COL23A1: variants seen among roughly 807,000 people sequenced by gnomAD.
COL23A1 encodes collagen type XXIII alpha 1 chain.
In COL23A1, 97 loss-of-function variants were observed where a neutral mutation model predicts 99.3. That is an observed-to-expected ratio of 0.98 (90% CI 0.83 to 1.16). The LOEUF (loss-of-function observed/expected upper bound fraction) is 1.16, where lower values mean the gene tolerates loss of function less well. Among genes scored for constraint, COL23A1 ranks in the 50% most tolerant of loss-of-function variants. The probability of loss-of-function intolerance (pLI) is 0.00; values close to 1 mark genes in which losing one functional copy is unlikely to be tolerated. For synonymous variants in COL23A1, 320 were observed against 308.2 expected (o/e 1.04, Z -0.40); for missense variants, 762 against 757.4 (o/e 1.01, Z -0.07).
chr5:178,451,012 A>G (rs1767457672), intron 2 of COL23A1, among the ~76,000 whole-genome samples: 1 of 152,248 alleles, frequency 6.6e-6, no homozygotes, highest in South Asian at 2.1e-4. Context: ...CACAAATAGA[A>G]TAAAGAATTA....
At chr5:178,286,390 C>T (rs1446890682) in intron 5 of COL23A1, among the ~76,000 whole-genome samples, 1 of 152,180 alleles carries the variant, frequency 6.6e-6, no homozygotes, top group Non-Finnish European at 1.5e-5. Context: ...ATCCTTCTCT[C>T]CGTTCCCAGC....
intron 2 of COL23A1, chr5:178,523,481 C>T (rs1270194915): frequency 6.9e-6 from 1 of 145,864 alleles, no homozygotes; most frequent in Non-Finnish European, 1.5e-5. Flanking sequence ...ATGATGTGCA[C>T]AAGTTCTGAG....
chr5:178,247,961 G>A (rs1764802907), intron 20 of COL23A1, 130 bp from the exon 21 acceptor site: 2 of 834,112 alleles, frequency 2.4e-6, no homozygotes, highest in Middle Eastern at 2.3e-4. Context: ...CTGGTGAGCA[G>A]GTGGCAGCTG....
intron 2 of COL23A1, among the ~76,000 whole-genome samples, chr5:178,321,514 C>G (rs1298806160): frequency 8.6e-5 from 10 of 115,924 alleles, no homozygotes; most frequent in East Asian, 2.7e-4. Flanking sequence ...TTTGGAGATG[C>G]AGTCTCGCTC....
At chr5:178,576,677 C>T (rs1311925010) in intron 1 of COL23A1, among the ~76,000 whole-genome samples, 2 of 152,114 alleles carry the variant, frequency 1.3e-5, no homozygotes, top group Admixed American at 6.5e-5. Context: ...TGTTCCTGAT[C>T]CTCGAACTCT....
At position 178,422,366 on chromosome 5, in the gene COL23A1, A is replaced by T. The variant is rs117686490; in HGVS notation, c.362-115447T>A. On this transcript the variant is annotated intron_variant, in intron 2 of 28. Transcript: ENST00000390654. The stretch of plus-strand genomic sequence containing the variant: ...CCACTCTGACTGGCTCTTCTGCTTA[A>T]CGTTAGACACGATGTCAGCCTTGAC... 3.4e-3 allele frequency among the ~76,000 whole-genome samples: 520 copies of T among 152,314 alleles called. 19 individuals carry two copies. In the East Asian group the frequency reaches 0.082, roughly 24 times the overall value.
intron 1 of COL23A1, among the ~76,000 whole-genome samples, chr5:178,565,808 C>T (rs1459750702): frequency 6.6e-6 from 1 of 151,802 alleles, no homozygotes; most frequent in Non-Finnish European, 1.5e-5. Context: ...TTCCTATCTA[C>T]AAACATTCTT....
At chr5:178,578,629 G>A (rs1001515435) in intron 1 of COL23A1, among the ~76,000 whole-genome samples, 4 of 152,068 alleles carry the variant, frequency 2.6e-5, no homozygotes, top group African/African-American at 9.7e-5. Context: ...TTTAGAAGTT[G>A]CCATTACCCA....
Position 178,577,441 on chromosome 5 carries a change from C to T in COL23A1, c.294+12463G>A, listed in dbSNP as rs1187822404. 2.6e-5 allele frequency among the ~76,000 whole-genome samples: 4 copies of T among 152,238 alleles called. No individual in the cohort carries two copies. The East Asian group carries it at 7.7e-4, about 29-fold the overall frequency. On this transcript the variant is annotated intron_variant, in intron 1 of 28. Transcript: ENST00000390654. ...GACTTCGCCACGGGAAGGAGGCACACGATTCAGCCCATGACACCGCCACCT... is the reference window on the plus strand; with the variant it reads ...GACTTCGCCACGGGAAGGAGGCACATGATTCAGCCCATGACACCGCCACCT...
chr5:178,251,876 T>TTTTC (rs1014919492), intron 17 of COL23A1, among the ~76,000 whole-genome samples: 1 of 151,916 alleles, frequency 6.6e-6, no homozygotes, highest in Non-Finnish European at 1.5e-5. Context: ...TTTTCTTTTC[T>TTTTC]TTTCTTTCTT....
intron 2 of COL23A1, among the ~76,000 whole-genome samples, chr5:178,358,542 G>A (rs111208193): frequency 0.27 from 33,636 of 126,052 alleles, 4,317 homozygotes; most frequent in South Asian, 0.34. Context: ...GTGTGTGTAT[G>A]TGTGTGTATG....
chr5:178,463,773 A>T (rs889312195), intron 2 of COL23A1, among the ~76,000 whole-genome samples: 7 of 152,176 alleles, frequency 4.6e-5, no homozygotes, highest in Non-Finnish European at 8.8e-5. Context: ...TTTGTTTATA[A>T]ACAAGGAAGA....
At position 178,306,176 on chromosome 5, in the gene COL23A1, C is replaced by T. The variant is rs758680223; in HGVS notation, c.406+699G>A. Among the ~76,000 whole-genome samples, 38 of 151,972 alleles carry T rather than the reference C, an allele frequency of 2.5e-4. No individual in the cohort carries two copies. The highest frequency in any genetic ancestry group is 1.5e-3 in the South Asian group (7 of 4,818). ...TGAGGGAGGAAGCGCAGGGAGGAAG[C>T]GCAGCCCAGACAGCCGGGACTGCCC... On this transcript the variant is annotated intron_variant, in intron 3 of 28. Coordinates refer to ENST00000390654, the MANE Select transcript of COL23A1 (RefSeq NM_173465.4). The surrounding 1 kb of genome is among the most constrained non-coding windows in gnomAD (Gnocchi z 4.1).
chr5:178,323,895 T>C (rs751207432), intron 2 of COL23A1, among the ~76,000 whole-genome samples: 7 of 152,160 alleles, frequency 4.6e-5, no homozygotes, highest in Admixed American at 1.3e-4. Flanking sequence ...AGAGAAGTGA[T>C]ATGTCCCAAG....
chr5:178,523,189 T>TATATATACATATATATATATATACACAC (rs1760076274), intron 2 of COL23A1, among the ~76,000 whole-genome samples: 1 of 76,968 alleles, frequency 1.3e-5, no homozygotes, highest in South Asian at 3.9e-4. Context: ...CACATATATA[T>TATATATACATATATATATATATACACAC]ATATATATAT....
At chr5:178,588,657 A>G (rs1764118533) in intron 1 of COL23A1, among the ~76,000 whole-genome samples, 1 of 152,252 alleles carries the variant, frequency 6.6e-6, no homozygotes, top group Non-Finnish European at 1.5e-5. Context: ...CCCAGAACCC[A>G]GCTAGAAGAG....
rs114399660 is a variant in COL23A1, at chr5:178,426,500, C to T, written c.362-119581G>A. Among the ~76,000 whole-genome samples, 542 of 152,358 alleles carry T rather than the reference C, an allele frequency of 3.6e-3. 3 individuals carry two copies. The highest frequency in any genetic ancestry group is 0.012 in the African/African-American group (512 of 41,582). ...ACTGCCGGACACAGACCAGCTTCCA[C>T]CTGCGATCGCGCTCTGTGCTGCCAT... On this transcript the variant is annotated intron_variant, in intron 2 of 28. Coordinates refer to ENST00000390654, the MANE Select transcript of COL23A1 (RefSeq NM_173465.4).
intron 1 of COL23A1, among the ~76,000 whole-genome samples, chr5:178,570,551 C>T (rs1763043087): frequency 6.6e-6 from 1 of 152,180 alleles, no homozygotes; most frequent in South Asian, 2.1e-4. Flanking sequence ...CATGAATTTA[C>T]ACTTATAGGC....
chr5:178,245,739 A>T (rs1339051506), intron 25 of COL23A1, among the ~76,000 whole-genome samples: 1 of 152,156 alleles, frequency 6.6e-6, no homozygotes, highest in Non-Finnish European at 1.5e-5. Context: ...CCATCCATCA[A>T]CAATCCATTC....
Sources: gnomAD v4.1 joint callset for allele counts (sites outside exome capture counted in the v4.1 genomes callset) on GRCh38, gnomAD v4.1.1 for gene constraint, Gnocchi (gnomAD v3.1) non-coding constraint, MANE v1.5 for transcripts, NCBI Gene and HGNC (gene_info 2026-07-23, HGNC 2026-07-21) for gene names.